ZNF804A: variants seen among roughly 807,000 people sequenced by gnomAD.
The protein encoded by ZNF804A is zinc finger protein 804A.
In ZNF804A, 2 loss-of-function variants were observed where a neutral mutation model predicts 16.5. The ratio of observed to expected loss-of-function variants is 0.12; its 90% CI spans 0.05 to 0.38. The LOEUF (loss-of-function observed/expected upper bound fraction) is 0.38. Ranked by LOEUF, ZNF804A falls within the 10% of genes least tolerant of loss-of-function variation. The pLI is 0.99. For synonymous variants in ZNF804A, 534 were observed against 489.6 expected, an observed-to-expected ratio of 1.09 and a Z score of -1.20; for missense variants, 1,473 against 1,390.7, an observed-to-expected ratio of 1.06 and a Z score of -0.94.
At position 184,695,465 on chromosome 2, in the gene ZNF804A, T is replaced by TAAAAAAAA. The variant is rs779929990; in HGVS notation, c.111+96415_111+96422dup. On this transcript the variant is annotated intron_variant, in intron 1 of 3. Transcript: ENST00000302277. ...GGGCGACAGAGCGAGACTCCGTCAT[T>TAAAAAAAA]AAAAAAAAAAAAAAAAAAAAAAAAA... Among the ~76,000 whole-genome samples the TAAAAAAAA allele has an allele frequency of 7.7e-3, 396 of 51,754 alleles. 32 individuals are homozygous for TAAAAAAAA. The highest frequency in any genetic ancestry group is 0.036 in the African/African-American group (374 of 10,532). 34.0% of individuals were successfully genotyped at this position (51,754 alleles called of 152,430 possible).
At chr2:184,837,884 G>T (rs1695378998) in intron 1 of ZNF804A, among the ~76,000 whole-genome samples, 1 of 152,052 alleles carries the variant, frequency 6.6e-6, no homozygotes, top group Non-Finnish European at 1.5e-5. Flanking sequence ...AGTGGCTTTG[G>T]TCATAACAAG....
At chr2:184,758,675 G>GTTATTATTATAC (rs1559143173) in intron 1 of ZNF804A, among the ~76,000 whole-genome samples, 3 of 151,892 alleles carry the variant, frequency 2.0e-5, no homozygotes, top group Non-Finnish European at 4.4e-5. Flanking sequence ...CCTTTAAACA[G>GTTATTATTATAC]TGGATTTTAC....
intron 1 of ZNF804A, among the ~76,000 whole-genome samples, chr2:184,767,270 C>G (rs1243511833): frequency 6.6e-6 from 1 of 152,040 alleles, no homozygotes; most frequent in East Asian, 1.9e-4. Flanking sequence ...CTTAATCTTA[C>G]AAAGGAAGGA....
intron 2 of ZNF804A, among the ~76,000 whole-genome samples, chr2:184,931,974 G>T (rs911900321): frequency 2.0e-5 from 3 of 152,150 alleles, no homozygotes; most frequent in Admixed American, 2.0e-4. Context: ...AATGTCATCA[G>T]TCTTTTTGCT....
At chr2:184,743,655 T>C (rs1033412916) in intron 1 of ZNF804A, among the ~76,000 whole-genome samples, 1 of 152,016 alleles carries the variant, frequency 6.6e-6, no homozygotes, top group East Asian at 1.9e-4. Context: ...TTAGAAAATA[T>C]AGGCCTCTTT....
At chr2:184,751,577 C>G (rs1345738034) in intron 1 of ZNF804A, among the ~76,000 whole-genome samples, 1 of 151,226 alleles carries the variant, frequency 6.6e-6, no homozygotes, top group Non-Finnish European at 1.5e-5. Flanking sequence ...AGGCAACATA[C>G]AAGGATTCAT....
At chr2:184,612,574 A>G (rs772923752) in intron 1 of ZNF804A, among the ~76,000 whole-genome samples, 1 of 151,832 alleles carries the variant, frequency 6.6e-6, no homozygotes, top group Admixed American at 6.6e-5. Context: ...AGCTGGGATT[A>G]CAGGCTCCCA....
At chr2:184,873,166 G>A (rs915313433) in intron 2 of ZNF804A, among the ~76,000 whole-genome samples, 1 of 152,100 alleles carries the variant, frequency 6.6e-6, no homozygotes, top group Admixed American at 6.6e-5. Context: ...CATATCTAGG[G>A]AATTATTTTT....
At chr2:184,836,736 G>A (rs1475151457) in intron 1 of ZNF804A, among the ~76,000 whole-genome samples, 2 of 151,260 alleles carry the variant, frequency 1.3e-5, no homozygotes, top group South Asian at 2.1e-4. Context: ...TCTTGCGTGA[G>A]CATTTTTTAA....
chr2:184,915,810 A>C (rs1685440051), intron 2 of ZNF804A, among the ~76,000 whole-genome samples: 1 of 152,182 alleles, frequency 6.6e-6, no homozygotes, highest in Non-Finnish European at 1.5e-5. Context: ...ACATGCTTTT[A>C]AAGCTGCCAT....
chr2:184,716,533 C>A (rs930478875), intron 1 of ZNF804A, among the ~76,000 whole-genome samples: 9 of 152,010 alleles, frequency 5.9e-5, no homozygotes, highest in African/African-American at 2.2e-4. Flanking sequence ...CTCCTGATGG[C>A]AGTAATGTGC....
intron 1 of ZNF804A, among the ~76,000 whole-genome samples, chr2:184,835,705 T>G (rs1434931870): frequency 6.7e-6 from 1 of 150,120 alleles, no homozygotes; most frequent in African/African-American, 2.4e-5. Flanking sequence ...GAGGTGACCT[T>G]AAGTGGAACC....
intron 1 of ZNF804A, among the ~76,000 whole-genome samples, chr2:184,745,689 A>T (rs1693780015): frequency 6.6e-6 from 1 of 151,242 alleles, no homozygotes; most frequent in African/African-American, 2.4e-5. Flanking sequence ...AGAATATTTT[A>T]TTTTCTTAGC....
chr2:184,771,467 C>T lies in ZNF804A; in HGVS notation c.112-94902C>T, dbSNP rs559607562. Among the ~76,000 whole-genome samples, 186 of 152,030 alleles carry T rather than the reference C, an allele frequency of 1.2e-3. 2 individuals are homozygous for T. The highest frequency in any genetic ancestry group is 4.0e-3 in the African/African-American group (166 of 41,502). Reference sequence around the variant, plus strand: ...ATTGCAGTTAAGATGTCTCCTGGGGCTAGTTGGGGTGGCTCATGCCTGTAA... The same window carrying T: ...ATTGCAGTTAAGATGTCTCCTGGGGTTAGTTGGGGTGGCTCATGCCTGTAA... On this transcript the variant is annotated intron_variant, in intron 1 of 3. Transcript: ENST00000302277.
chr2:184,705,754 A>G (rs1241686771), intron 1 of ZNF804A, among the ~76,000 whole-genome samples: 2 of 152,158 alleles, frequency 1.3e-5, no homozygotes, highest in Non-Finnish European at 2.9e-5. Context: ...CATAAACACA[A>G]TGAATACGCA....
chr2:184,923,429 G>T (rs990083860), intron 2 of ZNF804A, among the ~76,000 whole-genome samples: 1 of 151,862 alleles, frequency 6.6e-6, no homozygotes, highest in African/African-American at 2.4e-5. Context: ...TTGTTCATCA[G>T]CTCTAAAAGC....
chr2:184,743,760 A>G (rs1450217791), intron 1 of ZNF804A, among the ~76,000 whole-genome samples: 1 of 151,942 alleles, frequency 6.6e-6, no homozygotes, highest in Non-Finnish European at 1.5e-5. Context: ...TATTTTGTAT[A>G]TATCTATACT....
At chr2:184,606,810 T>A (rs1367408057) in intron 1 of ZNF804A, among the ~76,000 whole-genome samples, 1 of 149,890 alleles carries the variant, frequency 6.7e-6, no homozygotes, top group Non-Finnish European at 1.5e-5. Context: ...GTCAGTTTGT[T>A]AAAATAAATC....
At chr2:184,730,847 C>CTTT (rs35119389) in intron 1 of ZNF804A, among the ~76,000 whole-genome samples, 1 of 145,476 alleles carries the variant, frequency 6.9e-6, no homozygotes, top group African/African-American at 2.5e-5. Context: ...CAATTTGCAG[C>CTTT]TTTTTTTTTT....
Sources: gnomAD v4.1 joint callset for allele counts (sites outside exome capture counted in the v4.1 genomes callset) on GRCh38, gnomAD v4.1.1 for gene constraint, MANE v1.5 for transcripts, NCBI Gene and HGNC (gene_info 2026-07-23, HGNC 2026-07-21) for gene names.